The following SDK1 variants were observed in gnomAD, a reference collection of about 807,000 sequenced individuals.
The protein encoded by SDK1 is sidekick cell adhesion molecule 1, also known as protein sidekick-1.
Under a neutral mutation model 245.5 loss-of-function variants are expected in SDK1, and 157 were observed. The ratio of observed to expected loss-of-function variants is 0.64; its 90% CI spans 0.56 to 0.73. The LOEUF (loss-of-function observed/expected upper bound fraction) is 0.73, where lower values mean the gene tolerates loss of function less well. Ranked by LOEUF, SDK1 falls within the 30% of genes least tolerant of loss-of-function variation. The probability of loss-of-function intolerance (pLI) is 0.00; values close to 1 mark genes in which losing one functional copy is unlikely to be tolerated. For synonymous variants in SDK1, 1,647 were observed against 1,278.5 expected (o/e 1.29, Z -6.15); for missense variants, 3,583 against 3,002.3 (o/e 1.19, Z -4.52).
chr7:3,813,380 C>T (rs1258756869), intron 4 of SDK1, among the ~76,000 whole-genome samples: 7 of 145,598 alleles, frequency 4.8e-5, no homozygotes, highest in Non-Finnish European at 7.5e-5. Context: ...TTTGTTCTTG[C>T]GATAGTTTAC....
At chr7:4,152,209 G>A (rs1203751241) in intron 30 of SDK1, among the ~76,000 whole-genome samples, 1 of 152,156 alleles carries the variant, frequency 6.6e-6, no homozygotes, top group African/African-American at 2.4e-5. Flanking sequence ...CAGACTGTCC[G>A]CCAGGTTCCT....
intron 4 of SDK1, among the ~76,000 whole-genome samples, chr7:3,656,066 A>G (rs1041174266): frequency 1.3e-5 from 2 of 152,176 alleles, no homozygotes; most frequent in African/African-American, 2.4e-5. Flanking sequence ...TGTCTACATG[A>G]GCACACATTA....
At chr7:3,794,891 C>T (rs1354256740) in intron 4 of SDK1, among the ~76,000 whole-genome samples, 1 of 151,686 alleles carries the variant, frequency 6.6e-6, no homozygotes, top group Admixed American at 6.6e-5. Flanking sequence ...AATTTTTGGA[C>T]ACTAAACTTG....
chr7:4,198,578 G>C lies in SDK1; in HGVS notation c.5099-7301G>C, dbSNP rs187057220. 7.9e-4 allele frequency among the ~76,000 whole-genome samples: 121 copies of C among 152,312 alleles called. 1 individual carries two copies. The highest frequency in any genetic ancestry group is 2.8e-3 in the African/African-American group (117 of 41,570). On this transcript the variant is annotated intron_variant, in intron 35 of 44. Coordinates refer to ENST00000404826, the MANE Select transcript of SDK1 (RefSeq NM_152744.4). Reference sequence around the variant, plus strand: ...ACCGCCACACCCGTGCATGTTGTTGGAGGCTGCTTTTGCCATAGAAGGTGG... The same window carrying C: ...ACCGCCACACCCGTGCATGTTGTTGCAGGCTGCTTTTGCCATAGAAGGTGG...
chr7:3,644,839 A>C (rs1782777058), intron 4 of SDK1, among the ~76,000 whole-genome samples: 1 of 150,716 alleles, frequency 6.6e-6, no homozygotes, highest in East Asian at 1.9e-4. Flanking sequence ...GGCAAGATAC[A>C]TTCTTGTATA....
At chr7:3,782,471 G>A (rs1780776028) in intron 4 of SDK1, among the ~76,000 whole-genome samples, 1 of 152,152 alleles carries the variant, frequency 6.6e-6, no homozygotes, top group African/African-American at 2.4e-5. Context: ...AGGAAGCAGA[G>A]TTCTCCAATC....
At chr7:4,086,909 G>A (rs1467085878) in intron 22 of SDK1, among the ~76,000 whole-genome samples, 2 of 152,078 alleles carry the variant, frequency 1.3e-5, no homozygotes, top group East Asian at 1.9e-4. Flanking sequence ...TCCCAGGCAT[G>A]GGTTGGCTGG....
At position 3,962,695 on chromosome 7, in the gene SDK1, A is replaced by G. The variant is rs1464703825; in HGVS notation, c.1273A>G (p.Ile425Val). Residue 425 changes from isoleucine to valine, a missense_variant, in exon 9 of 45, where the codon ATC becomes GTC. Ile to Val is a conservative substitution (Grantham distance 29, BLOSUM62 3). Coordinates refer to ENST00000404826, the MANE Select transcript of SDK1 (RefSeq NM_152744.4). Reference protein sequence around the residue: ...LPTLQWYKDAISISRLQNPRY... With the variant: ...LPTLQWYKDAVSISRLQNPRY... ...CACCCTCCAGTGGTACAAGGATGCC[A>G]TCTCCATCAGCAGGCTCCAGAATCC... The G allele has an allele frequency of 2.5e-6, 4 of 1,613,698 alleles. No homozygotes were observed. The South Asian group carries it at 3.3e-5, about 13-fold the overall frequency.
chr7:4,154,167 A>G (rs975027075), intron 30 of SDK1, among the ~76,000 whole-genome samples: 6 of 152,204 alleles, frequency 3.9e-5, no homozygotes, highest in African/African-American at 1.2e-4. Flanking sequence ...AACTTAAGCT[A>G]TGTCCTTCCC....
intron 4 of SDK1, among the ~76,000 whole-genome samples, chr7:3,682,949 G>T (rs974421195): frequency 2.0e-4 from 31 of 152,214 alleles, no homozygotes; most frequent in African/African-American, 6.7e-4. Flanking sequence ...GTCCAGGCTG[G>T]TCTGGAACTC....
chr7:3,492,194 T>G (rs1316475493), intron 1 of SDK1, among the ~76,000 whole-genome samples: 1 of 152,242 alleles, frequency 6.6e-6, no homozygotes, highest in African/African-American at 2.4e-5. Flanking sequence ...AAATGCTCCT[T>G]TCTGTTCAGT....
chr7:3,503,459 G>A (rs1026225235), intron 1 of SDK1, among the ~76,000 whole-genome samples: 24 of 152,146 alleles, frequency 1.6e-4, no homozygotes, highest in African/African-American at 5.1e-4. Context: ...CAGGAGGATT[G>A]CTTGAGCCCA....
chr7:3,361,830 T>C (rs1321382752), intron 1 of SDK1, among the ~76,000 whole-genome samples: 1 of 152,222 alleles, frequency 6.6e-6, no homozygotes, highest in Non-Finnish European at 1.5e-5. Context: ...TTTTCCAAGA[T>C]GGTTATTTAA....
At chr7:3,975,582 T>C (rs920792450) in intron 13 of SDK1, among the ~76,000 whole-genome samples, 3 of 152,226 alleles carry the variant, frequency 2.0e-5, no homozygotes, top group African/African-American at 7.2e-5. Context: ...GCTTGCTAAG[T>C]GCTAAGCATG....
intron 1 of SDK1, among the ~76,000 whole-genome samples, chr7:3,533,173 CAG>C (rs1239452693): frequency 3.9e-5 from 6 of 152,154 alleles, no homozygotes; most frequent in African/African-American, 1.4e-4. Flanking sequence ...TGGTGTGTAA[CAG>C]AGACATCTCT....
At chr7:3,881,473 CG>C (rs1222566150) in intron 5 of SDK1, among the ~76,000 whole-genome samples, 1 of 152,142 alleles carries the variant, frequency 6.6e-6, no homozygotes, top group Non-Finnish European at 1.5e-5. Context: ...ATGGTGTATA[CG>C]TAACACATTT....
At chr7:4,054,688 A>T (rs76056076) in intron 19 of SDK1, among the ~76,000 whole-genome samples, 10,980 of 152,034 alleles carry the variant, frequency 0.072, 524 homozygotes, top group Middle Eastern at 0.15. Flanking sequence ...GAGACCAGAC[A>T]TCCTTGCCTG....
chr7:3,672,944 A>T (rs368418757), intron 4 of SDK1, among the ~76,000 whole-genome samples: 3 of 150,576 alleles, frequency 2.0e-5, no homozygotes, highest in South Asian at 2.1e-4. Context: ...AACTTTTTCT[A>T]GATGCATCTT....
At chr7:3,815,933 T>C (rs1173665818) in intron 4 of SDK1, among the ~76,000 whole-genome samples, 1 of 142,926 alleles carries the variant, frequency 7.0e-6, no homozygotes, top group East Asian at 1.9e-4. Flanking sequence ...AACTCAAGAT[T>C]AAGAATCTCA....
Sources: allele counts gnomAD v4.1 joint callset (sites outside exome capture counted in the v4.1 genomes callset), GRCh38; gene constraint gnomAD v4.1.1; transcripts MANE v1.5; gene names NCBI Gene and HGNC (gene_info 2026-07-23, HGNC 2026-07-21).